Variants in ADARB2 observed in about 807,000 individuals in gnomAD.
ADARB2 encodes the protein adenosine deaminase RNA specific B2 (inactive), also known as inactive double-stranded RNA-specific editase B2.
Under a neutral mutation model 62.2 loss-of-function variants are expected in ADARB2, and 25 were observed. The ratio of observed to expected loss-of-function variants is 0.40; its 90% confidence interval spans 0.29 to 0.56. The LOEUF (loss-of-function observed/expected upper bound fraction) is 0.56, where lower values mean the gene tolerates loss of function less well. ADARB2 is among the 20% of genes least tolerant of loss of function. The probability of loss-of-function intolerance (pLI) is 0.43; values close to 1 mark genes in which losing one functional copy is unlikely to be tolerated. For missense variants in ADARB2, 1,071 were observed against 1,077.4 expected (o/e 0.99, Z 0.08); for synonymous variants, 572 against 500.8 (o/e 1.14, Z -1.90).
chr10:1,646,397 T>C (rs1834042603), intron 1 of ADARB2, among the ~76,000 whole-genome samples: 1 of 152,228 alleles, frequency 6.6e-6, no homozygotes, highest in South Asian at 2.1e-4. Flanking sequence ...CTTGGCATCC[T>C]TTGAATCCAC....
At chr10:1,183,661 G>T (rs1041443471) in intron 9 of ADARB2, among the ~76,000 whole-genome samples, 3 of 152,208 alleles carry the variant, frequency 2.0e-5, no homozygotes, top group Non-Finnish European at 4.4e-5. Flanking sequence ...GACAGAGGGG[G>T]ACAGTGGGAG....
At chr10:1,715,699 C>A (rs1835008327) in intron 1 of ADARB2, among the ~76,000 whole-genome samples, 1 of 152,126 alleles carries the variant, frequency 6.6e-6, no homozygotes, top group Non-Finnish European at 1.5e-5. Context: ...TGCAAAAAAA[C>A]AAAAACAAAA....
At chr10:1,288,505 C>T (rs1191515108) in intron 3 of ADARB2, among the ~76,000 whole-genome samples, 1 of 152,208 alleles carries the variant, frequency 6.6e-6, no homozygotes, top group Admixed American at 6.5e-5. Context: ...AAAGAAAACT[C>T]CTTGCCCAGC....
chr10:1,543,462 T>C (rs1365049916), intron 1 of ADARB2, among the ~76,000 whole-genome samples: 4 of 152,188 alleles, frequency 2.6e-5, no homozygotes, highest in Non-Finnish European at 5.9e-5. Context: ...AAGAGATCAA[T>C]TAAAGCTCTC....
intron 6 of ADARB2, among the ~76,000 whole-genome samples, chr10:1,221,401 TC>T (rs1830693694): frequency 7.3e-6 from 1 of 137,386 alleles, no homozygotes; most frequent in African/African-American, 2.8e-5. Context: ...GATGCTCATT[TC>T]TTTTTTTTTT....
At chr10:1,581,472 C>G (rs556902983) in intron 1 of ADARB2, among the ~76,000 whole-genome samples, 1 of 152,370 alleles carries the variant, frequency 6.6e-6, no homozygotes, top group African/African-American at 2.4e-5. Context: ...CTGGAGCCAC[C>G]TCCTGAGTTC....
chr10:1,681,619 C>G (rs927673106), intron 1 of ADARB2, among the ~76,000 whole-genome samples: 1 of 152,114 alleles, frequency 6.6e-6, no homozygotes, highest in Admixed American at 6.6e-5. Flanking sequence ...ATGAGGTGAT[C>G]GCAGGGCATG....
intron 1 of ADARB2, among the ~76,000 whole-genome samples, chr10:1,587,800 G>C (rs12243840): frequency 0.025 from 3,808 of 152,188 alleles, 156 homozygotes; most frequent in African/African-American, 0.086. Flanking sequence ...CATGGGGGCG[G>C]TTCCCCCTGT....
intron 3 of ADARB2, among the ~76,000 whole-genome samples, chr10:1,344,918 G>A (rs566194703): frequency 1.4e-3 from 217 of 152,312 alleles, no homozygotes; most frequent in African/African-American, 5.0e-3. Flanking sequence ...GTGTTTCCGA[G>A]CTCCGTGCAT....
chr10:1,476,636 T>G (rs1295334444), intron 1 of ADARB2, among the ~76,000 whole-genome samples: 1 of 152,186 alleles, frequency 6.6e-6, no homozygotes, highest in Non-Finnish European at 1.5e-5. Context: ...TTCCCTACCT[T>G]ATCCTCTTCC....
chr10:1,652,458 C>A (rs1398971831), intron 1 of ADARB2, among the ~76,000 whole-genome samples: 2 of 152,194 alleles, frequency 1.3e-5, no homozygotes, highest in Non-Finnish European at 2.9e-5. Flanking sequence ...GAGCTCGGGG[C>A]TCACCTTTTG....
intron 1 of ADARB2, among the ~76,000 whole-genome samples, chr10:1,574,636 C>T (rs1832986040): frequency 6.6e-6 from 1 of 152,148 alleles, no homozygotes; most frequent in African/African-American, 2.4e-5. Flanking sequence ...TCACGGGGTC[C>T]TCCCTCTGTG....
At chr10:1,531,975 C>A (rs1377849407) in intron 1 of ADARB2, among the ~76,000 whole-genome samples, 2 of 152,072 alleles carry the variant, frequency 1.3e-5, no homozygotes, top group African/African-American at 4.8e-5. Context: ...GTGTTGTTTT[C>A]AAAAAAACAC....
intron 1 of ADARB2, among the ~76,000 whole-genome samples, chr10:1,530,254 G>T (rs1351722064): frequency 2.0e-5 from 3 of 152,214 alleles, no homozygotes; most frequent in Non-Finnish European, 4.4e-5. Flanking sequence ...CTCAGTGAGG[G>T]TCTCCCTCCT....
At chr10:1,337,543 G>C (rs373396924) in intron 3 of ADARB2, among the ~76,000 whole-genome samples, 7 of 152,244 alleles carry the variant, frequency 4.6e-5, no homozygotes, top group African/African-American at 1.7e-4. Context: ...TCAGCAGACC[G>C]AGAAAGTGTA....
In ADARB2 at chr10:1,597,836, G is replaced by C. The variant is rs570733180; in HGVS notation, c.100+139215C>G. On this transcript the variant is annotated intron_variant, in intron 1 of 9. Coordinates refer to ENST00000381312, the MANE Select transcript of ADARB2 (RefSeq NM_018702.4). The stretch of plus-strand genomic sequence containing the variant: ...TGCTTGCCTTCCTTTGTTTATTGCA[G>C]CACTACTCATAATAGCAGAGCATGG... Among the ~76,000 whole-genome samples, 28 of 152,276 alleles carry C rather than the reference G, an allele frequency of 1.8e-4. 1 individual carries two copies. The highest frequency in any genetic ancestry group is 5.2e-4 in the Admixed American group (8 of 15,290).
intron 1 of ADARB2, among the ~76,000 whole-genome samples, chr10:1,537,368 T>G (rs1377967978): frequency 6.6e-6 from 1 of 152,224 alleles, no homozygotes; most frequent in Non-Finnish European, 1.5e-5. Context: ...TTGGTGGGAA[T>G]GTAAATTAGT....
chr10:1,233,935 G>T, intron 5 of ADARB2, 90 bp from the exon 6 acceptor site: 77 of 991,136 alleles, frequency 7.8e-5, no homozygotes, highest in South Asian at 2.3e-4. Flanking sequence ...GTTTTGTAGA[G>T]TTGTTCCCCA....
At chr10:1,634,138 C>T (rs1253556881) in intron 1 of ADARB2, among the ~76,000 whole-genome samples, 2 of 152,146 alleles carry the variant, frequency 1.3e-5, no homozygotes, top group African/African-American at 4.8e-5. Flanking sequence ...TTTCCTCCTC[C>T]CTCAACACCG....
Sources: allele counts gnomAD v4.1 joint callset (sites outside exome capture counted in the v4.1 genomes callset), GRCh38; gene constraint gnomAD v4.1.1; transcripts MANE v1.5; gene names NCBI Gene and HGNC (gene_info 2026-07-23, HGNC 2026-07-21).